Variants in HOMEZ observed in about 807,000 individuals in gnomAD.
The protein encoded by HOMEZ is homeobox and leucine zipper protein Homez.
HOMEZ carries 20 observed loss-of-function variants against 50.1 expected under a neutral mutation model. That is an observed-to-expected ratio of 0.40 (90% CI 0.28 to 0.58). HOMEZ has a LOEUF of 0.58. HOMEZ is among the 20% of genes least tolerant of loss of function. The pLI is 0.46. For synonymous variants in HOMEZ, 239 were observed against 254.7 expected (o/e 0.94, Z 0.59); for missense variants, 579 against 680.5 (o/e 0.85, Z 1.66).
chr14:23,279,220 T>C (rs1465163591), intron 1 of HOMEZ, among the ~76,000 whole-genome samples: 2 of 152,134 alleles, frequency 1.3e-5, no homozygotes, highest in Non-Finnish European at 2.9e-5. Context: ...ACAAAAGAAA[T>C]AGCAATCGAA....
intron 1 of HOMEZ, among the ~76,000 whole-genome samples, chr14:23,280,739 T>C (rs1278625783): frequency 8.2e-4 from 15 of 18,314 alleles, no homozygotes; most frequent in Non-Finnish European, 1.9e-3. Context: ...TATTTTATTT[T>C]ATTATTTTAT....
chr14:23,276,123 C>A lies in HOMEZ; in HGVS notation c.1105G>T (p.Ala369Ser), dbSNP rs769751567. ...KTKRKTKEQL[A>S]ILKSFFLQCQ... ...TGTAAAAAAAAGGATTTAAGGATAG[C>A]CAGCTGCTCTTTGGTTTTGCGCTTG... The change falls in exon 2 of 2, where the codon GCT (alanine) becomes TCT (serine). Residue 369 changes from alanine (A) to serine (S), a missense_variant. By Grantham distance (99) the Ala-to-Ser change is moderately conservative. Coordinates refer to ENST00000357460, the MANE Select transcript of HOMEZ (RefSeq NM_020834.3). The surrounding 1 kb of genome is among the most constrained non-coding windows in gnomAD (Gnocchi z 4.1). The A allele has an allele frequency of 1.1e-4, 180 of 1,613,806 alleles. No individual in the cohort carries two copies. The highest frequency in any genetic ancestry group is 1.5e-4 in the Non-Finnish European group (176 of 1,179,856).
chr14:23,286,089 C>A lies in HOMEZ; in HGVS notation c.-137G>T, dbSNP rs1886659690. 2 of 1,230,314 alleles carry A rather than the reference C, an allele frequency of 1.6e-6. No homozygotes were observed. Among genetic ancestry groups the A allele is most frequent in the South Asian group, 4.1e-5 (1 of 24,214 alleles). The allele number at this position is 1,230,314 out of a possible 1,614,324, so 76.2% of individuals were successfully genotyped here. ...CCCCCCACCGTCCCCGGGAGCGCGC[C>A]GGTCTACCCAGCCCTGCTCGAGCAA... On this transcript the variant is annotated 5_prime_UTR_variant, in exon 1 of 2. Coordinates refer to ENST00000357460, the MANE Select transcript of HOMEZ (RefSeq NM_020834.3).
chr14:23,284,436 T>C (rs1366351890), intron 1 of HOMEZ, among the ~76,000 whole-genome samples: 1 of 152,204 alleles, frequency 6.6e-6, no homozygotes. Flanking sequence ...CACAGTACAC[T>C]GGAAACTAAA....
chr14:23,285,763 G>C (rs923021392), intron 1 of HOMEZ, 150 bp downstream of exon 1: 11 of 442,242 alleles, frequency 2.5e-5, no homozygotes, highest in African/African-American at 4.1e-5. Context: ...CAACAGGGGA[G>C]GGAACCGAAA....
chr14:23,273,807 C>T lies in HOMEZ; in HGVS notation c.*1768G>A, dbSNP rs764249545. On this transcript the variant is annotated 3_prime_UTR_variant, in exon 2 of 2. Transcript: ENST00000357460. ...GTAGCAAATGGAGTTACCTCCAAGA[C>T]TGTTGTATCTCTGTTACTCCTGAAG... The T allele has an allele frequency of 6.6e-6, 1 of 152,300 alleles. No individual in the cohort carries two copies. Among genetic ancestry groups the T allele is most frequent in the Non-Finnish European group, 1.5e-5 (1 of 68,048 alleles). The allele number at this position is 152,300 out of a possible 1,614,324, so 9.4% of individuals were successfully genotyped here.
chr14:23,275,469 T>C lies in HOMEZ; in HGVS notation c.*106A>G. The C allele has an allele frequency of 1.4e-6, 2 of 1,415,190 alleles. No homozygotes were observed. Among genetic ancestry groups the C allele is most frequent in the African/African-American group, 1.4e-5 (1 of 69,070 alleles). The allele number at this position is 1,415,190 out of a possible 1,614,324, so 87.7% of individuals were successfully genotyped here. A position where few individuals can be genotyped will look rare whatever the true frequency, so the allele number is the denominator to read the frequency against. On this transcript the variant is annotated 3_prime_UTR_variant, in exon 2 of 2. Coordinates refer to ENST00000357460, the MANE Select transcript of HOMEZ (RefSeq NM_020834.3). ...CCACCCTGAAGAACACAAAGCTTTT[T>C]AGTTCTCTGCCACAAGGTAATTTTA... is the stretch of plus-strand genomic sequence containing the variant.
In HOMEZ at chr14:23,276,432, T is replaced by C. The variant is rs1331070609; in HGVS notation, c.796A>G (p.Ile266Val). ...TTACAACTACTGGCAATTAATGCAA[T>C]TGGTGGGGGTTTATCCCGAGCTTGT... ...QPQARDKPPP[I>V]ALIASSCKEE... Residue 266 changes from isoleucine (I) to valine (V), a missense_variant, in exon 2 of 2, where the codon ATT becomes GTT. By Grantham distance (29) the Ile-to-Val change is conservative. Coordinates refer to ENST00000357460, the MANE Select transcript of HOMEZ (RefSeq NM_020834.3). The surrounding 1 kb of genome is among the most constrained non-coding windows in gnomAD (Gnocchi z 4.1). 5 of 1,613,810 alleles carry C rather than the reference T, an allele frequency of 3.1e-6. No individual in the cohort carries two copies. In the African/African-American group the frequency reaches 5.3e-5, roughly 17 times the overall value.
chr14:23,282,835 C>T (rs1316421214), intron 1 of HOMEZ, among the ~76,000 whole-genome samples: 1 of 152,134 alleles, frequency 6.6e-6, no homozygotes, highest in Non-Finnish European at 1.5e-5. Flanking sequence ...ATTTGGTGTA[C>T]TATATGCATT....
rs1434424659 is a variant in HOMEZ, at chr14:23,281,802, TAATA to T, written c.40+4107_40+4110del. On this transcript the variant is annotated intron_variant, in intron 1 of 1. Coordinates refer to ENST00000357460, the MANE Select transcript of HOMEZ (RefSeq NM_020834.3). Reference sequence around the variant, plus strand: ...AACATGGTGAAACTGTCTCTACAAATAATAATAATAATAATAATAATAATAATAA... The same window carrying T: ...AACATGGTGAAACTGTCTCTACAAATATAATAATAATAATAATAATAATAA... Among the ~76,000 whole-genome samples, 9 of 96,190 alleles carry T rather than the reference TAATA, an allele frequency of 9.4e-5. No individual in the cohort carries two copies. In the South Asian group the frequency reaches 2.3e-3, roughly 24 times the overall value. The allele number at this position is 96,190 out of a possible 152,430, so 63.1% of individuals were successfully genotyped here.
intron 1 of HOMEZ, among the ~76,000 whole-genome samples, chr14:23,283,527 C>T (rs994471390): frequency 1.3e-5 from 2 of 152,190 alleles, no homozygotes; most frequent in Non-Finnish European, 2.9e-5. Context: ...TGTGTTTACA[C>T]AGTCCTAGGA....
chr14:23,273,509 G>A lies in HOMEZ; in HGVS notation c.*2066C>T, dbSNP rs940499859. Reference sequence around the variant, plus strand: ...CACTTTTACAAGCTCTAGAATGGTGGAATGGGCGAACAACACTATCACTGA... The same window carrying A: ...CACTTTTACAAGCTCTAGAATGGTGAAATGGGCGAACAACACTATCACTGA... On this transcript the variant is annotated 3_prime_UTR_variant, in exon 2 of 2. Transcript: ENST00000357460. 2 of 152,182 alleles carry A rather than the reference G, an allele frequency of 1.3e-5. No homozygotes were observed. The highest frequency in any genetic ancestry group is 2.9e-5 in the Non-Finnish European group (2 of 68,038). The allele number at this position is 152,182 out of a possible 1,614,324, so 9.4% of individuals were successfully genotyped here.
intron 1 of HOMEZ, among the ~76,000 whole-genome samples, chr14:23,284,333 T>C (rs1412804339): frequency 2.0e-5 from 3 of 152,180 alleles, no homozygotes; most frequent in Non-Finnish European, 4.4e-5. Flanking sequence ...GACAAAGTAT[T>C]TGTGATATTA....
chr14:23,277,492 G>A (rs1356017501), intron 1 of HOMEZ, among the ~76,000 whole-genome samples: 1 of 152,144 alleles, frequency 6.6e-6, no homozygotes, highest in Non-Finnish European at 1.5e-5. Flanking sequence ...GGTGGCTCAT[G>A]CCTGTAATCC....
In HOMEZ at chr14:23,280,689, ATTTTTATTTTTATATTTTTATT is replaced by A. The variant is rs1230398172; in HGVS notation, c.41-3524_41-3503del. 7.6e-5 allele frequency among the ~76,000 whole-genome samples: 9 copies of A among 118,492 alleles called. No homozygotes were observed. In the East Asian group the frequency reaches 8.3e-4, roughly 11 times the overall value. The allele number at this position is 118,492 out of a possible 152,430, so 77.7% of individuals were successfully genotyped here. A position where few individuals can be genotyped will look rare whatever the true frequency, so the allele number is the denominator to read the frequency against. On this transcript the variant is annotated intron_variant, in intron 1 of 1. Coordinates refer to ENST00000357460, the MANE Select transcript of HOMEZ (RefSeq NM_020834.3). Reference sequence around the variant, plus strand: ...AGGGGAATCACATCTGTTATATTTTATTTTTATTTTTATATTTTTATTTTTATTTTATTTTATTTTATTTTAT... The same window carrying A: ...AGGGGAATCACATCTGTTATATTTTATTTATTTTATTTTATTTTATTTTAT...
chr14:23,275,969 C>T lies in HOMEZ; in HGVS notation c.1259G>A (p.Arg420Gln), dbSNP rs768501017. Residue 420 changes from arginine (R) to glutamine (Q), a missense_variant, in exon 2 of 2, where the codon CGG becomes CAG. Physicochemically the swap from Arg to Gln is conservative, Grantham distance 43. Transcript: ENST00000357460. ...ALKHGQLKWFRDNAVPGAPSF... is the reference protein window; with the variant it reads ...ALKHGQLKWFQDNAVPGAPSF... ...AGGGGCACCAGGTACTGCGTTGTCC[C>T]GAAACCACTTTAGTTGCCCATGCTT... is the stretch of plus-strand genomic sequence containing the variant. 7.4e-6 allele frequency: 12 copies of T among 1,612,624 alleles called. No individual in the cohort carries two copies. The highest frequency in any genetic ancestry group is 4.5e-5 in the East Asian group (2 of 44,872).
rs566206365 is a variant in HOMEZ, at chr14:23,273,015, T to C, written c.*2560A>G. ...TGTTTCCTAGTTTCACTCTGTACCTTATGCTCCCCCCATCTTTACCCTATT... is the reference window on the plus strand; with the variant it reads ...TGTTTCCTAGTTTCACTCTGTACCTCATGCTCCCCCCATCTTTACCCTATT... On this transcript the variant is annotated 3_prime_UTR_variant, in exon 2 of 2. Transcript: ENST00000357460. The C allele has an allele frequency of 1.4e-4, 83 of 583,906 alleles. No individual in the cohort carries two copies. The African/African-American group carries it at 1.6e-3, about 11-fold the overall frequency. 36.2% of individuals were successfully genotyped at this position (583,906 alleles called of 1,614,324 possible). A position where few individuals can be genotyped will look rare whatever the true frequency, so the allele number is the denominator to read the frequency against.
Position 23,277,018 on chromosome 14 carries a change from C to T in HOMEZ, c.210G>A (p.Leu70=). The change falls in exon 2 of 2, where the codon CTG becomes CTA. Residue 70 remains leucine, a synonymous_variant. Coordinates refer to ENST00000357460, the MANE Select transcript of HOMEZ (RefSeq NM_020834.3). ...AGGGAAAGTAGCTGAAGGTTTTGAG[C>T]AGGTGTTCATTGCTGTCTAGCTCAC... is the stretch of plus-strand genomic sequence containing the variant. ...QTSELDSNEH[L]LKTFSYFPYP... The T allele has an allele frequency of 6.2e-7, 1 of 1,614,042 alleles. No individual in the cohort carries two copies. The highest frequency in any genetic ancestry group is 1.1e-5 in the South Asian group (1 of 91,090).
At position 23,274,521 on chromosome 14, in the gene HOMEZ, C is replaced by T. The variant is rs1176248652; in HGVS notation, c.*1054G>A. On this transcript the variant is annotated 3_prime_UTR_variant, in exon 2 of 2. Transcript: ENST00000357460. ...CAATTATTAAAGTTTTTTACAAGCTCGGTGGGGGAAGATTTTCCCTGAGAC... is the reference window on the plus strand; with the variant it reads ...CAATTATTAAAGTTTTTTACAAGCTTGGTGGGGGAAGATTTTCCCTGAGAC... 1 of 152,500 alleles carries T rather than the reference C, an allele frequency of 6.6e-6. No individual in the cohort carries two copies. The highest frequency in any genetic ancestry group is 1.5e-5 in the Non-Finnish European group (1 of 68,012). The allele number at this position is 152,500 out of a possible 1,614,324, so 9.4% of individuals were successfully genotyped here. A position where few individuals can be genotyped will look rare whatever the true frequency, so the allele number is the denominator to read the frequency against.
Sources: gnomAD v4.1 joint callset for allele counts (sites outside exome capture counted in the v4.1 genomes callset) on GRCh38, gnomAD v4.1.1 for gene constraint, Gnocchi (gnomAD v3.1) non-coding constraint, MANE v1.5 for transcripts, NCBI Gene and HGNC (gene_info 2026-07-23, HGNC 2026-07-21) for gene names.